ELOVL6: variants seen among roughly 807,000 people sequenced by gnomAD.
The protein encoded by ELOVL6 is very long chain fatty acid elongase 6.
A neutral mutation model predicts 31.7 loss-of-function variants in ELOVL6; 8 were observed. The observed-to-expected ratio is 0.25, with a 90% CI of 0.15 to 0.45. The LOEUF (loss-of-function observed/expected upper bound fraction) is 0.45, where lower values mean the gene tolerates loss of function less well. ELOVL6 is among the 20% of genes least tolerant of loss of function. The pLI is 1.00. For missense variants in ELOVL6, 126 were observed against 326.4 expected (o/e 0.39, Z 4.73); for synonymous variants, 101 against 117.7 (o/e 0.86, Z 0.92).
In ELOVL6 at chr4:110,051,371, G is replaced by C; in HGVS notation, c.765C>G (p.Ile255Met). 2.5e-6 allele frequency: 4 copies of C among 1,614,096 alleles called. No homozygotes were observed. Among genetic ancestry groups the C allele is most frequent in the Non-Finnish European group, 3.4e-6 (4 of 1,180,008 alleles). ...CTTTCGTTGTTTTCCTCATTTTGCC[G>C]ATGTAGGCCTCAAAGAAGAAATGGC... ...LFCHFFFEAY[I>M]GKMRKTTKAE is the part of the protein sequence containing the mutation. Residue 255 changes from isoleucine (I) to methionine (M), a missense_variant, in exon 4 of 4, where the codon ATC (isoleucine) becomes ATG (methionine). By Grantham distance (10) the Ile-to-Met change is conservative. Around this residue, in one of 3 missense-constraint regions of ELOVL6, gnomAD observed 57 missense variants for 110.2 expected, o/e 0.52. Transcript: ENST00000302274. The surrounding 1 kb of genome is among the most constrained non-coding windows in gnomAD (Gnocchi z 4.8).
intron 1 of ELOVL6, among the ~76,000 whole-genome samples, chr4:110,128,041 CAAA>C (rs372209158): frequency 2.5e-5 from 3 of 119,706 alleles, no homozygotes; most frequent in African/African-American, 6.2e-5. Flanking sequence ...GATCCTGTCT[CAAA>C]AAAAAAAAAA....
At chr4:110,138,220 A>G (rs949660706) in intron 1 of ELOVL6, among the ~76,000 whole-genome samples, 1 of 152,190 alleles carries the variant, frequency 6.6e-6, no homozygotes. Flanking sequence ...TGAAATAGCA[A>G]CCTCTTTCTT....
At chr4:110,131,876 T>G (rs1757679489) in intron 1 of ELOVL6, among the ~76,000 whole-genome samples, 1 of 151,478 alleles carries the variant, frequency 6.6e-6, no homozygotes, top group Admixed American at 6.6e-5. Flanking sequence ...CAGAATGGTA[T>G]GAAGAGGATA....
chr4:110,181,340 C>T (rs909928351), intron 1 of ELOVL6, among the ~76,000 whole-genome samples: 9 of 151,432 alleles, frequency 5.9e-5, no homozygotes, highest in African/African-American at 1.5e-4. Context: ...ACCAGATACT[C>T]GGGAGGCTGA....
In ELOVL6 at chr4:110,046,092, G is replaced by A. The variant is rs1272029387; in HGVS notation, c.*5246C>T. 2.0e-5 allele frequency: 3 copies of A among 152,108 alleles called. No individual in the cohort carries two copies. The highest frequency in any genetic ancestry group is 4.4e-5 in the Non-Finnish European group (3 of 68,016). The allele number at this position is 152,108 out of a possible 1,614,324, so 9.4% of individuals were successfully genotyped here. On this transcript the variant is annotated 3_prime_UTR_variant, in exon 4 of 4. Coordinates refer to ENST00000302274, the MANE Select transcript of ELOVL6 (RefSeq NM_024090.3). ...CTCCTGCCTGAATATGTCTAGACAG[G>A]CAGACCTGTTTGAAACGAGTATGAC... is the stretch of plus-strand genomic sequence containing the variant.
At chr4:110,127,343 G>A (rs1374949215) in intron 1 of ELOVL6, among the ~76,000 whole-genome samples, 1 of 144,370 alleles carries the variant, frequency 6.9e-6, no homozygotes, top group African/African-American at 2.6e-5. Context: ...GGAGGCAGAG[G>A]TTGCAGTGAG....
intron 2 of ELOVL6, among the ~76,000 whole-genome samples, chr4:110,064,464 CTT>C (rs1026784292): frequency 2.0e-5 from 3 of 151,896 alleles, no homozygotes; most frequent in Admixed American, 6.6e-5. Flanking sequence ...CTATTTGACT[CTT>C]TTTTATTTTT....
At chr4:110,113,126 G>A (rs1220432213) in intron 1 of ELOVL6, among the ~76,000 whole-genome samples, 3 of 150,094 alleles carry the variant, frequency 2.0e-5, no homozygotes, top group African/African-American at 2.5e-5. Flanking sequence ...TACTGAGGAG[G>A]CTGAGGCAGG....
chr4:110,147,834 G>C (rs933318597), intron 1 of ELOVL6, among the ~76,000 whole-genome samples: 1 of 150,028 alleles, frequency 6.7e-6, no homozygotes, highest in Non-Finnish European at 1.5e-5. Flanking sequence ...CGCCAAAAAG[G>C]CCAGGCATGG....
intron 2 of ELOVL6, among the ~76,000 whole-genome samples, chr4:110,103,981 T>C (rs1435353529): frequency 6.6e-6 from 1 of 152,186 alleles, no homozygotes; most frequent in African/African-American, 2.4e-5. Context: ...CCTCTATTAT[T>C]AATAGTTCCA....
intron 3 of ELOVL6, among the ~76,000 whole-genome samples, chr4:110,054,482 T>C (rs898545063): frequency 6.6e-6 from 1 of 152,230 alleles, no homozygotes; most frequent in Non-Finnish European, 1.5e-5. Context: ...TCCAAGATAC[T>C]GTATGTTTAA....
At chr4:110,134,758 G>A (rs1188092528) in intron 1 of ELOVL6, among the ~76,000 whole-genome samples, 1 of 152,144 alleles carries the variant, frequency 6.6e-6, no homozygotes, top group South Asian at 2.1e-4. Context: ...CCAGGAATTC[G>A]AGACCAGCCT....
At chr4:110,160,088 T>C (rs1260085437) in intron 1 of ELOVL6, among the ~76,000 whole-genome samples, 6 of 151,786 alleles carry the variant, frequency 4.0e-5, no homozygotes, top group Non-Finnish European at 7.4e-5. Flanking sequence ...AGGGTTTGCT[T>C]ACAACTTACA....
chr4:110,080,911 A>G (rs957198206), intron 2 of ELOVL6, among the ~76,000 whole-genome samples: 3 of 152,180 alleles, frequency 2.0e-5, no homozygotes, highest in Admixed American at 6.5e-5. Flanking sequence ...ATACAAAATC[A>G]ATGTGCAAAA....
chr4:110,129,891 A>ATTTTT (rs371838858), intron 1 of ELOVL6, among the ~76,000 whole-genome samples: 1,185 of 93,404 alleles, frequency 0.013, 62 homozygotes, highest in East Asian at 0.11. Context: ...ATCCAATCCA[A>ATTTTT]TTTTTTTTTT....
intron 2 of ELOVL6, among the ~76,000 whole-genome samples, chr4:110,072,550 T>C (rs906307538): frequency 6.6e-6 from 1 of 152,104 alleles, no homozygotes; most frequent in African/African-American, 2.4e-5. Flanking sequence ...TAGTAGGCTC[T>C]TTAGTTGCAA....
rs1754830072 is a variant in ELOVL6, at chr4:110,051,278, TC to T, written c.*59del. 1.3e-6 allele frequency: 2 copies of T among 1,532,694 alleles called. No individual in the cohort carries two copies. The allele number at this position is 1,532,694 out of a possible 1,614,324, so 94.9% of individuals were successfully genotyped here. A position where few individuals can be genotyped will look rare whatever the true frequency, so the allele number is the denominator to read the frequency against. On this transcript the variant is annotated 3_prime_UTR_variant, in exon 4 of 4. Transcript: ENST00000302274. The surrounding 1 kb of genome is among the most constrained non-coding windows in gnomAD (Gnocchi z 4.8). ...CCACGTGTGATTCCTTGTGCCATTT[TC>T]TTTTGTCTATTATTTTTCTTGATGA... is the stretch of plus-strand genomic sequence containing the variant.
At chr4:110,138,283 C>G (rs1757863155) in intron 1 of ELOVL6, among the ~76,000 whole-genome samples, 1 of 152,148 alleles carries the variant, frequency 6.6e-6, no homozygotes, top group Non-Finnish European at 1.5e-5. Flanking sequence ...TGGATTTGTG[C>G]TAATAAAGTT....
chr4:110,166,616 A>G (rs2126271545), intron 1 of ELOVL6, among the ~76,000 whole-genome samples: 2 of 152,332 alleles, frequency 1.3e-5, no homozygotes, highest in South Asian at 4.1e-4. Context: ...TCTCAAAAAA[A>G]AGAAAAAATT....
Sources: gnomAD v4.1 joint callset for allele counts (sites outside exome capture counted in the v4.1 genomes callset) on GRCh38, gnomAD v4.1.1 for gene constraint, gnomAD v4.1.1 regional missense constraint, Gnocchi (gnomAD v3.1) non-coding constraint, MANE v1.5 for transcripts, NCBI Gene and HGNC (gene_info 2026-07-23, HGNC 2026-07-21) for gene names.